Variants in PEX7 observed in about 807,000 individuals in gnomAD.
The protein encoded by PEX7 is PTS2 receptor.
Under a neutral mutation model 47.5 loss-of-function variants are expected in PEX7, and 34 were observed. That is an observed-to-expected ratio of 0.72 (90% CI 0.54 to 0.95). The LOEUF (loss-of-function observed/expected upper bound fraction) is 0.95. Among genes scored for constraint, PEX7 ranks in the 40% least tolerant of loss-of-function variants. The pLI is 0.00. For missense variants in PEX7, 394 were observed against 400.3 expected (o/e 0.98, Z 0.13); for synonymous variants, 141 against 148.8 (o/e 0.95, Z 0.38).
intron 5 of PEX7, chr6:136,855,741 G>T: frequency 2.5e-6 from 1 of 403,908 alleles, no homozygotes. Context: ...CAAACACCCA[G>T]TTTGCCTGAG....
chr6:136,877,037 G>C (rs1210292052), intron 8 of PEX7, among the ~76,000 whole-genome samples: 1 of 152,182 alleles, frequency 6.6e-6, no homozygotes, highest in Non-Finnish European at 1.5e-5. Context: ...CATTCTAACT[G>C]TTGTGAGGTG....
intron 3 of PEX7, among the ~76,000 whole-genome samples, chr6:136,829,702 C>T (rs1026337760): frequency 3.9e-5 from 6 of 152,204 alleles, no homozygotes; most frequent in Middle Eastern, 3.4e-3. Flanking sequence ...TTTGGAAGGT[C>T]GAGGTGGGCA....
chr6:136,837,309 C>T (rs1774405569), intron 3 of PEX7, among the ~76,000 whole-genome samples: 1 of 131,074 alleles, frequency 7.6e-6, no homozygotes, highest in Non-Finnish European at 1.6e-5. Flanking sequence ...TTGCAGTGCG[C>T]CAAGATCGCG....
intron 3 of PEX7, among the ~76,000 whole-genome samples, chr6:136,828,479 ACTG>A: frequency 6.6e-6 from 1 of 152,320 alleles, no homozygotes; most frequent in East Asian, 1.9e-4. Context: ...ATAGCAACCA[ACTG>A]CTGCTTTTAG....
Position 136,900,462 on chromosome 6 carries a change from G to GCC in PEX7, c.903+2227_903+2228dup, listed in dbSNP as rs1018859925. 9 of 456,814 alleles carry GCC rather than the reference G, an allele frequency of 2.0e-5. No individual in the cohort carries two copies. Among genetic ancestry groups the GCC allele is most frequent in the Non-Finnish European group, 3.9e-5 (9 of 229,964 alleles). 28.3% of individuals were successfully genotyped at this position (456,814 alleles called of 1,614,324 possible). A position where few individuals can be genotyped will look rare whatever the true frequency, so the allele number is the denominator to read the frequency against. On this transcript the variant is annotated intron_variant, in intron 9 of 9. Transcript: ENST00000318471. This position sits in a 1 kb window ranked among gnomAD's most constrained non-coding sequence, Gnocchi z 4.2. ...CCACAGACTTGGGACCAAGGACATTGCCCCCCCAGTGACAGCAGATCTCAT... is the reference window on the plus strand; with the variant it reads ...CCACAGACTTGGGACCAAGGACATTGCCCCCCCCCAGTGACAGCAGATCTCAT...
Position 136,825,272 on chromosome 6 carries a change from G to A in PEX7, c.188+1G>A, listed in dbSNP as rs267608254. On this transcript the variant is annotated splice_donor_variant, in intron 2 of 9. Coordinates refer to ENST00000318471, the MANE Select transcript of PEX7 (RefSeq NM_000288.4). LOFTEE classifies it high-confidence loss of function. ...AAGCTGGGCTAAGGCTTTTTAGAAG[G>A]TAAGGGGGCTGAAATTATTAAAGGT... is the stretch of plus-strand genomic sequence containing the variant. The A allele has an allele frequency of 1.2e-6, 2 of 1,609,744 alleles. No homozygotes were observed. Among genetic ancestry groups the A allele is most frequent in the Admixed American group, 1.7e-5 (1 of 60,012 alleles).
chr6:136,829,934 C>T lies in PEX7; in HGVS notation c.339+3465C>T, dbSNP rs970015741. ...CCTGGACAACAGAGTGAGACCCTGT[C>T]TTAAAAGAAAGTTATTAAAAAAAAA... is the stretch of plus-strand genomic sequence containing the variant. On this transcript the variant is annotated intron_variant, in intron 3 of 9. Coordinates refer to ENST00000318471, the MANE Select transcript of PEX7 (RefSeq NM_000288.4). 1.3e-5 allele frequency: 9 copies of T among 689,932 alleles called. No individual in the cohort carries two copies. In the East Asian group the frequency reaches 2.4e-4, roughly 19 times the overall value. 42.7% of individuals were successfully genotyped at this position (689,932 alleles called of 1,614,324 possible).
intron 3 of PEX7, among the ~76,000 whole-genome samples, chr6:136,829,718 C>T (rs556333751): frequency 1.3e-5 from 2 of 152,304 alleles, no homozygotes; most frequent in East Asian, 1.9e-4. Flanking sequence ...GGGCAGATCA[C>T]TGAAGGCCAG....
At chr6:136,902,989 A>G (rs940062400) in intron 9 of PEX7, among the ~76,000 whole-genome samples, 2 of 152,212 alleles carry the variant, frequency 1.3e-5, no homozygotes, top group Non-Finnish European at 2.9e-5. Context: ...GAAGAAAGAA[A>G]AAAGATTACC....
At chr6:136,848,553 G>T (rs1289081366) in intron 5 of PEX7, among the ~76,000 whole-genome samples, 1 of 151,998 alleles carries the variant, frequency 6.6e-6, no homozygotes, top group Non-Finnish European at 1.5e-5. Flanking sequence ...AGAGTTTTTA[G>T]CACGAAGGGC....
At chr6:136,892,096 A>G (rs1293716319) in intron 8 of PEX7, among the ~76,000 whole-genome samples, 1 of 152,216 alleles carries the variant, frequency 6.6e-6, no homozygotes, top group Non-Finnish European at 1.5e-5. Context: ...AGACTAGAGG[A>G]TGCAATAAGT....
intron 8 of PEX7, among the ~76,000 whole-genome samples, chr6:136,874,535 G>T (rs1217910410): frequency 1.3e-5 from 2 of 151,862 alleles, no homozygotes; most frequent in Non-Finnish European, 2.9e-5. Flanking sequence ...AGCCACGCAT[G>T]ATGGCAGGTG....
chr6:136,845,493 T>C, intron 3 of PEX7, 122 bp from the exon 4 acceptor site: 1 of 723,764 alleles, frequency 1.4e-6, no homozygotes, highest in South Asian at 1.5e-5. Flanking sequence ...TGGATAGGAA[T>C]TATTTGATGT....
chr6:136,873,696 G>T (rs113263771), intron 8 of PEX7, among the ~76,000 whole-genome samples: 2,084 of 152,226 alleles, frequency 0.014, 37 homozygotes, highest in African/African-American at 0.048. Flanking sequence ...TCTGATTCCT[G>T]ATATGAGTAC....
intron 3 of PEX7, among the ~76,000 whole-genome samples, chr6:136,839,076 G>A (rs1392221818): frequency 6.6e-6 from 1 of 152,104 alleles, no homozygotes; most frequent in East Asian, 1.9e-4. Flanking sequence ...AGCTACCCGG[G>A]AGGTTGAGGT....
intron 3 of PEX7, among the ~76,000 whole-genome samples, chr6:136,831,099 A>G (rs955714208): frequency 1.3e-5 from 2 of 152,228 alleles, no homozygotes; most frequent in African/African-American, 2.4e-5. Context: ...CTGTTTTCAC[A>G]TTGTTATAAA....
chr6:136,839,285 A>G (rs1214179704), intron 3 of PEX7, among the ~76,000 whole-genome samples: 1 of 152,202 alleles, frequency 6.6e-6, no homozygotes, highest in African/African-American at 2.4e-5. Context: ...TTTCCTTTGT[A>G]TTCATACAGA....
rs557609392 is a variant in PEX7, at chr6:136,882,493, A to G, written c.803+10240A>G. Reference sequence around the variant, plus strand: ...GCACCTGGCCCTTTGCCTCTCTTCTAAAGCCATCTTTCCAACCCTATTCCC... The same window carrying G: ...GCACCTGGCCCTTTGCCTCTCTTCTGAAGCCATCTTTCCAACCCTATTCCC... On this transcript the variant is annotated intron_variant, in intron 8 of 9. Transcript: ENST00000318471. Among the ~76,000 whole-genome samples the G allele has an allele frequency of 9.8e-4, 149 of 152,062 alleles. 2 individuals are homozygous for G. The highest frequency in any genetic ancestry group is 3.3e-3 in the African/African-American group (137 of 41,482).
rs1775738214 is a variant in PEX7, at chr6:136,900,683, G to T, written c.903+2442G>T. The T allele has an allele frequency of 5.8e-6, 2 of 344,206 alleles. No homozygotes were observed. Among genetic ancestry groups the T allele is most frequent in the South Asian group, 2.3e-5 (1 of 42,572 alleles). 21.3% of individuals were successfully genotyped at this position (344,206 alleles called of 1,614,324 possible). A position where few individuals can be genotyped will look rare whatever the true frequency, so the allele number is the denominator to read the frequency against. On this transcript the variant is annotated intron_variant, in intron 9 of 9. Transcript: ENST00000318471. This position sits in a 1 kb window ranked among gnomAD's most constrained non-coding sequence, Gnocchi z 4.2. The stretch of plus-strand genomic sequence containing the variant: ...GGCAGGAAGACAACCAGCTTGATGG[G>T]ATCCACGTCATGTGCAGTCACCGCC...
Sources: gnomAD v4.1 joint callset for allele counts (sites outside exome capture counted in the v4.1 genomes callset) on GRCh38, gnomAD v4.1.1 for gene constraint, Gnocchi (gnomAD v3.1) non-coding constraint, MANE v1.5 for transcripts, NCBI Gene and HGNC (gene_info 2026-07-23, HGNC 2026-07-21) for gene names.